AFF3: variants seen among roughly 807,000 people sequenced by gnomAD.
The protein encoded by AFF3 is AF4/FMR2 family member 3.
Under a neutral mutation model 129.7 loss-of-function variants are expected in AFF3, and 32 were observed. The ratio of observed to expected loss-of-function variants is 0.25; its 90% CI spans 0.19 to 0.33. The LOEUF (loss-of-function observed/expected upper bound fraction) is 0.33. Among genes scored for constraint, AFF3 ranks in the 10% least tolerant of loss-of-function variants. The probability of loss-of-function intolerance (pLI) is 1.00; values close to 1 mark genes in which losing one functional copy is unlikely to be tolerated. For synonymous variants in AFF3, 644 were observed against 635.4 expected, an observed-to-expected ratio of 1.01 and a Z score of -0.20; for missense variants, 1,373 against 1,592.0, an observed-to-expected ratio of 0.86 and a Z score of 2.34.
chr2:99,926,696 C>T (rs926140727), intron 7 of AFF3, among the ~76,000 whole-genome samples: 1 of 41,912 alleles, frequency 2.4e-5, no homozygotes, highest in Non-Finnish European at 4.1e-5. Context: ...AAGGGGCAAG[C>T]CTGCCCTGCC....
intron 16 of AFF3, among the ~76,000 whole-genome samples, chr2:99,585,049 T>G (rs1270120897): frequency 6.6e-6 from 1 of 152,226 alleles, no homozygotes; most frequent in African/African-American, 2.4e-5. Flanking sequence ...AGAGGCTGTG[T>G]CACGCAAAAG....
chr2:99,940,422 G>A (rs1260628506), intron 7 of AFF3, among the ~76,000 whole-genome samples: 2 of 152,154 alleles, frequency 1.3e-5, no homozygotes, highest in Admixed American at 6.5e-5. Flanking sequence ...GAAGAGACAG[G>A]AGGTCAGCAC....
intron 13 of AFF3, chr2:99,631,057 GC>G: frequency 2.3e-6 from 1 of 439,344 alleles, no homozygotes; most frequent in South Asian, 1.7e-5. Context: ...AGGGAGGCAG[GC>G]AGAGCAGAAC....
chr2:99,829,716 T>A (rs1218701410), intron 8 of AFF3, among the ~76,000 whole-genome samples: 1 of 152,128 alleles, frequency 6.6e-6, no homozygotes, highest in Non-Finnish European at 1.5e-5. Flanking sequence ...GTGGAAGACA[T>A]TGTGGCGATT....
rs1045494829 is a variant in AFF3 at position 100,051,302 on chromosome 2, C to T, written c.54-42370G>A. On this transcript the variant is annotated intron_variant, in intron 4 of 24. Coordinates refer to ENST00000672756, the MANE Select transcript of AFF3 (RefSeq NM_001386135.1). ...TATTTTGAAAGAGAGCTGGAGAATA[C>T]GAGCTGAGCCCACGCAACGGCTCCC... 2.6e-5 allele frequency among the ~76,000 whole-genome samples: 4 copies of T among 152,124 alleles called. 1 individual carries two copies. The highest frequency in any genetic ancestry group is 4.1e-4 in the South Asian group (2 of 4,826).
At chr2:99,996,209 G>A (rs72955705) in intron 7 of AFF3, among the ~76,000 whole-genome samples, 1,859 of 152,222 alleles carry the variant, frequency 0.012, 28 homozygotes, top group African/African-American at 0.042. Context: ...ACTGTATAAC[G>A]ACATGGGAAA....
intron 4 of AFF3, among the ~76,000 whole-genome samples, chr2:100,066,913 ATACTG>A (rs1447986325): frequency 1.3e-5 from 2 of 152,216 alleles, no homozygotes; most frequent in Non-Finnish European, 2.9e-5. Context: ...GAACTGCGCA[ATACTG>A]TACTAACATT....
intron 7 of AFF3, among the ~76,000 whole-genome samples, chr2:99,927,133 T>C (rs1168429817): frequency 1.3e-5 from 2 of 152,200 alleles, no homozygotes; most frequent in Non-Finnish European, 2.9e-5. Flanking sequence ...ATGCCCCTAC[T>C]TGCACAAGCC....
intron 7 of AFF3, among the ~76,000 whole-genome samples, chr2:99,886,959 C>T (rs1211019356): frequency 6.6e-6 from 1 of 152,172 alleles, no homozygotes; most frequent in African/African-American, 2.4e-5. Flanking sequence ...TCTCCCTTAA[C>T]GAAATGTCCA....
chr2:100,016,893 GTGGTGGTGATGATA>G (rs1559060996), intron 4 of AFF3, among the ~76,000 whole-genome samples: 3 of 151,556 alleles, frequency 2.0e-5, no homozygotes, highest in African/African-American at 7.3e-5. Flanking sequence ...GGTGATGGTG[GTGGTGGTGATGATA>G]TGGTGGTGAT....
At chr2:99,578,104 C>T (rs1575408290) in intron 18 of AFF3, among the ~76,000 whole-genome samples, 1 of 152,180 alleles carries the variant, frequency 6.6e-6, no homozygotes, top group African/African-American at 2.4e-5. Flanking sequence ...CCCATTAGCA[C>T]TGATTATTCC....
intron 7 of AFF3, among the ~76,000 whole-genome samples, chr2:99,975,909 C>CA (rs1311736260): frequency 2.8e-5 from 4 of 143,334 alleles, no homozygotes; most frequent in Admixed American, 6.9e-5. Context: ...AAAACCCACA[C>CA]AAAAAAAATG....
chr2:99,587,306 A>G (rs1241217396), intron 15 of AFF3, 28 bp from the exon 16 acceptor site: 4 of 1,613,316 alleles, frequency 2.5e-6, no homozygotes. Context: ...AAAGTCAATC[A>G]GCACTGGATT....
At chr2:99,742,766 A>C (rs908903561) in intron 10 of AFF3, among the ~76,000 whole-genome samples, 5 of 152,230 alleles carry the variant, frequency 3.3e-5, no homozygotes, top group Non-Finnish European at 7.3e-5. Flanking sequence ...GAACACTGAG[A>C]TCATGCAGCT....
chr2:99,976,569 C>G (rs764326393), intron 7 of AFF3, among the ~76,000 whole-genome samples: 3 of 152,126 alleles, frequency 2.0e-5, no homozygotes, highest in Non-Finnish European at 2.9e-5. Flanking sequence ...TTGTTTCTCT[C>G]AATAGCCCCT....
At chr2:99,600,895 T>C (rs1679762411) in intron 14 of AFF3, among the ~76,000 whole-genome samples, 1 of 3,634 alleles carries the variant, frequency 2.8e-4, no homozygotes, top group African/African-American at 2.0e-3. Context: ...ATCATTTTTT[T>C]AGGGTGATGC....
chr2:99,846,830 T>G (rs1689761513), intron 7 of AFF3, among the ~76,000 whole-genome samples: 1 of 152,230 alleles, frequency 6.6e-6, no homozygotes, highest in Non-Finnish European at 1.5e-5. Context: ...TGTCATGTTC[T>G]TTATGGATCT....
chr2:99,869,137 C>T (rs1204906759), intron 7 of AFF3, among the ~76,000 whole-genome samples: 1 of 152,082 alleles, frequency 6.6e-6, no homozygotes, highest in East Asian at 1.9e-4. Context: ...TTCTGGACTT[C>T]CAGGTGGCAC....
intron 10 of AFF3, among the ~76,000 whole-genome samples, chr2:99,740,037 C>T (rs1333670213): frequency 6.8e-6 from 1 of 147,006 alleles, no homozygotes; most frequent in African/African-American, 2.5e-5. Flanking sequence ...TGTTCAATTC[C>T]CATCTATGAG....
Sources: allele counts gnomAD v4.1 joint callset (sites outside exome capture counted in the v4.1 genomes callset), GRCh38; gene constraint gnomAD v4.1.1; transcripts MANE v1.5; gene names NCBI Gene and HGNC (gene_info 2026-07-23, HGNC 2026-07-21).